The following CCDC63 variants were observed in gnomAD, a reference collection of about 807,000 sequenced individuals.
CCDC63 encodes coiled-coil domain containing 63.
Under a neutral mutation model 63.6 loss-of-function variants are expected in CCDC63, and 54 were observed. That is an observed-to-expected ratio of 0.85 (90% confidence interval 0.68 to 1.07). The LOEUF (loss-of-function observed/expected upper bound fraction) is 1.07. CCDC63 is among the 50% of genes least tolerant of loss of function. The pLI, the probability that CCDC63 is intolerant of heterozygous loss-of-function variation, is 0.00. For synonymous variants in CCDC63, 253 were observed against 266.1 expected, an observed-to-expected ratio of 0.95 and a Z score of 0.48; for missense variants, 637 against 689.6, an observed-to-expected ratio of 0.92 and a Z score of 0.86.
At chr12:110,874,097 C>A in intron 5 of CCDC63, 136 bp downstream of exon 5, 1 of 1,174,270 alleles carries the variant, frequency 8.5e-7, no homozygotes, top group Non-Finnish European at 1.2e-6. Flanking sequence ...CTAATGGCCA[C>A]ACAGGCCAGG....
intron 4 of CCDC63, among the ~76,000 whole-genome samples, chr12:110,871,212 G>A (rs2071061037): frequency 6.6e-6 from 1 of 151,126 alleles, no homozygotes; most frequent in Non-Finnish European, 1.5e-5. Flanking sequence ...TGCAATCTTG[G>A]CTCACTGCAA....
chr12:110,891,172 G>A (rs759605629), intron 8 of CCDC63, among the ~76,000 whole-genome samples: 3 of 152,102 alleles, frequency 2.0e-5, no homozygotes, highest in Non-Finnish European at 4.4e-5. Flanking sequence ...CAGGCTGGGT[G>A]TGGTGGCTCA....
Position 110,904,623 on chromosome 12 carries a change from T to C in CCDC63, c.1378T>C (p.Leu460=). ...AAAGAAGACCAACGACCTGCTGCTG[T>C]TGGAGACCTACAGGCGCATCCTGGA... The part of the protein sequence containing the change: ...IEKKTNDLLL[L]ETYRRILEVE... The change falls in exon 11 of 12, where the codon TTG becomes CTG. Residue 460 remains leucine (L), a synonymous_variant. Coordinates refer to ENST00000308208, the MANE Select transcript of CCDC63 (RefSeq NM_152591.3). 1 of 1,614,056 alleles carries C rather than the reference T, an allele frequency of 6.2e-7. No individual in the cohort carries two copies. The highest frequency in any genetic ancestry group is 8.5e-7 in the Non-Finnish European group (1 of 1,179,992).
rs373679812 is a variant in CCDC63, at chr12:110,884,501, TC to T, written c.1074+253del. 2.0e-5 allele frequency among the ~76,000 whole-genome samples: 3 copies of T among 152,240 alleles called. No homozygotes were observed. The East Asian group carries it at 5.8e-4, about 29-fold the overall frequency. On this transcript the variant is annotated intron_variant, in intron 8 of 11. Transcript: ENST00000308208. ...CTGAAATGATCCTTGCATCTCAGCCTCCTGAGTAGCTTGGACTACAGGTGTG... is the reference window on the plus strand; with the variant it reads ...CTGAAATGATCCTTGCATCTCAGCCTCTGAGTAGCTTGGACTACAGGTGTG...
intron 7 of CCDC63, among the ~76,000 whole-genome samples, chr12:110,882,744 C>T (rs979104428): frequency 2.0e-5 from 3 of 152,130 alleles, no homozygotes; most frequent in African/African-American, 7.2e-5. Flanking sequence ...CCTGTGGTCT[C>T]AGCTACTGGG....
upstream of CCDC63, among the ~76,000 whole-genome samples, chr12:110,845,133 G>A (rs780626113): frequency 2.0e-5 from 3 of 152,188 alleles, no homozygotes; most frequent in Admixed American, 6.5e-5. Flanking sequence ...TCTGCATGGC[G>A]GCTGCTGAGA....
chr12:110,902,128 G>GC (rs2071496289), intron 10 of CCDC63, among the ~76,000 whole-genome samples: 1 of 152,074 alleles, frequency 6.6e-6, no homozygotes, highest in Non-Finnish European at 1.5e-5. Context: ...ACCACGCCCG[G>GC]CCACCACATT....
chr12:110,881,092 G>A (rs780057800), intron 6 of CCDC63, 23 bp from the exon 7 acceptor site: 2 of 1,586,612 alleles, frequency 1.3e-6, no homozygotes, highest in African/African-American at 2.7e-5. Context: ...CAGATGCTCA[G>A]GCTCTGTACT....
At chr12:110,853,253 A>G in intron 2 of CCDC63, 152 bp from the exon 3 acceptor site, 2 of 777,186 alleles carry the variant, frequency 2.6e-6, no homozygotes, top group East Asian at 2.7e-5. Flanking sequence ...TTTTCCATGT[A>G]ATAGACAAGC....
At chr12:110,881,680 C>T (rs2071211342) in intron 7 of CCDC63, among the ~76,000 whole-genome samples, 1 of 151,922 alleles carries the variant, frequency 6.6e-6, no homozygotes, top group Non-Finnish European at 1.5e-5. Context: ...CAAGATCATG[C>T]CACTGCACTC....
chr12:110,852,185 G>A (rs1396650358), intron 1 of CCDC63, among the ~76,000 whole-genome samples: 1 of 152,132 alleles, frequency 6.6e-6, no homozygotes, highest in Non-Finnish European at 1.5e-5. Context: ...ATGGGAGGGT[G>A]GGGATTCCCT....
At chr12:110,895,491 T>C (rs997964719) in intron 9 of CCDC63, among the ~76,000 whole-genome samples, 2 of 152,230 alleles carry the variant, frequency 1.3e-5, no homozygotes, top group African/African-American at 4.8e-5. Flanking sequence ...TGCTCTATTC[T>C]TGAAACCCTT....
At chr12:110,905,911 TATA>T (rs2071558908) in intron 11 of CCDC63, among the ~76,000 whole-genome samples, 1 of 51,384 alleles carries the variant, frequency 1.9e-5, no homozygotes, top group Admixed American at 4.0e-4. Flanking sequence ...TAATATATAT[TATA>T]TTATATATAA....
At chr12:110,876,105 C>CAA (rs35045738) in intron 5 of CCDC63, among the ~76,000 whole-genome samples, 84 of 86,678 alleles carry the variant, frequency 9.7e-4, no homozygotes, top group African/African-American at 1.8e-3. Flanking sequence ...GAACCTGTCT[C>CAA]AAAAAAAAAA....
chr12:110,894,785 A>C (rs1400642906), intron 9 of CCDC63, among the ~76,000 whole-genome samples: 1 of 152,214 alleles, frequency 6.6e-6, no homozygotes. Context: ...CAGGCTGATC[A>C]GGCAAAGCCA....
intron 5 of CCDC63, among the ~76,000 whole-genome samples, chr12:110,875,083 A>C (rs959010420): frequency 6.6e-6 from 1 of 152,232 alleles, no homozygotes; most frequent in Non-Finnish European, 1.5e-5. Context: ...GGCTTTGAGC[A>C]GGCATGGTGG....
intron 1 of CCDC63, among the ~76,000 whole-genome samples, chr12:110,849,298 C>T (rs1324720365): frequency 1.3e-5 from 2 of 152,144 alleles, no homozygotes; most frequent in African/African-American, 4.8e-5. Flanking sequence ...TAGAGGTAGG[C>T]AGTTCCAGGG....
intron 7 of CCDC63, 150 bp downstream of exon 7, chr12:110,881,446 A>G: frequency 1.2e-6 from 1 of 802,160 alleles, no homozygotes; most frequent in Non-Finnish European, 1.9e-6. Context: ...AAGGTTGTGC[A>G]TGGTGGCTCA....
At chr12:110,885,335 A>G (rs1353460778) in intron 8 of CCDC63, among the ~76,000 whole-genome samples, 1 of 152,132 alleles carries the variant, frequency 6.6e-6, no homozygotes, top group Non-Finnish European at 1.5e-5. Flanking sequence ...AGGCCCTGAC[A>G]AGTCCTGCAG....
Sources: gnomAD v4.1 joint callset for allele counts (sites outside exome capture counted in the v4.1 genomes callset) on GRCh38, gnomAD v4.1.1 for gene constraint, MANE v1.5 for transcripts, NCBI Gene and HGNC (gene_info 2026-07-23, HGNC 2026-07-21) for gene names.